ARMC8: variants seen among roughly 807,000 people sequenced by gnomAD.
The protein encoded by ARMC8 is armadillo repeat-containing protein 8.
ARMC8 carries 20 observed loss-of-function variants against 99.3 expected under a neutral mutation model. The ratio of observed to expected loss-of-function variants is 0.20; its 90% confidence interval spans 0.14 to 0.29. The LOEUF (loss-of-function observed/expected upper bound fraction) is 0.29. Ranked by LOEUF, ARMC8 falls within the 10% of genes least tolerant of loss-of-function variation. The probability of loss-of-function intolerance (pLI) is 1.00; values close to 1 mark genes in which losing one functional copy is unlikely to be tolerated. For missense variants in ARMC8, 569 were observed against 809.5 expected (o/e 0.70, Z 3.60); for synonymous variants, 263 against 278.3 (o/e 0.95, Z 0.55).
intron 15 of ARMC8, 63 bp from the exon 16 acceptor site, chr3:138,269,977 G>C: frequency 9.0e-7 from 1 of 1,107,192 alleles, no homozygotes; most frequent in Non-Finnish European, 1.4e-6. Context: ...CAAGGTATAT[G>C]CATGTTTAGT....
In ARMC8 at chr3:138,256,401, T is replaced by C. The variant is rs368859744; in HGVS notation, c.1135-7338T>C. Among the ~76,000 whole-genome samples, 710 of 146,178 alleles carry C rather than the reference T, an allele frequency of 4.9e-3. 10 individuals are homozygous for C. The highest frequency in any genetic ancestry group is 0.016 in the African/African-American group (631 of 39,060). On this transcript the variant is annotated intron_variant, in intron 12 of 21. Transcript: ENST00000469044. ...GTAAAGTATATCTTTTTTTCCTCCT[T>C]CTTTTTTTTTTTTTTTTTTTTTTTT...
At chr3:138,238,428 C>T (rs541570118) in intron 9 of ARMC8, 1 of 152,236 alleles carries the variant, frequency 6.6e-6, no homozygotes, top group African/African-American at 2.4e-5. Context: ...CTGTAATTAT[C>T]AATACATGAA....
At position 138,203,336 on chromosome 3, in the gene ARMC8, T is replaced by C. The variant is rs1469668929; in HGVS notation, c.46-6481T>C. On this transcript the variant is annotated intron_variant, in intron 1 of 21. Coordinates refer to ENST00000469044, the MANE Select transcript of ARMC8 (RefSeq NM_001363941.2). ...TGCTTAAATCATTTATTATCTCAGTTTCTGTAGGTTAGTAATACAAATGTG... is the reference window on the plus strand; with the variant it reads ...TGCTTAAATCATTTATTATCTCAGTCTCTGTAGGTTAGTAATACAAATGTG... 6.6e-5 allele frequency among the ~76,000 whole-genome samples: 10 copies of C among 152,350 alleles called. No individual in the cohort carries two copies. The East Asian group carries it at 1.9e-3, about 29-fold the overall frequency.
chr3:138,213,932 G>A (rs541262243), intron 2 of ARMC8, among the ~76,000 whole-genome samples: 28 of 152,216 alleles, frequency 1.8e-4, no homozygotes, highest in African/African-American at 6.5e-4. Flanking sequence ...AGACCAAGGC[G>A]GGCGGATCCC....
intron 5 of ARMC8, among the ~76,000 whole-genome samples, chr3:138,226,052 G>A (rs1032111833): frequency 6.6e-6 from 1 of 152,070 alleles, no homozygotes; most frequent in Non-Finnish European, 1.5e-5. Context: ...GAGTGCAGTG[G>A]CTTGATCTCG....
chr3:138,276,857 A>G (rs1452318237), intron 18 of ARMC8, among the ~76,000 whole-genome samples: 1 of 152,232 alleles, frequency 6.6e-6, no homozygotes, highest in East Asian at 1.9e-4. Context: ...CAATCACAGC[A>G]TGTTTGTTTA....
intron 1 of ARMC8, among the ~76,000 whole-genome samples, chr3:138,199,804 G>T (rs1319070793): frequency 1.3e-5 from 2 of 152,162 alleles, no homozygotes; most frequent in Non-Finnish European, 2.9e-5. Context: ...ATTGTCACTG[G>T]GCTTTAAAAT....
chr3:138,283,984 G>T (rs931917570), intron 18 of ARMC8, among the ~76,000 whole-genome samples: 19 of 152,196 alleles, frequency 1.2e-4, no homozygotes, highest in African/African-American at 3.6e-4. Flanking sequence ...AGCAGGTGGA[G>T]GCCTAGGAAA....
At chr3:138,259,474 A>T (rs986355387) in intron 12 of ARMC8, among the ~76,000 whole-genome samples, 2 of 152,276 alleles carry the variant, frequency 1.3e-5, no homozygotes, top group Non-Finnish European at 1.5e-5. Flanking sequence ...TTGGAATTCA[A>T]AGTTTACATT....
intron 12 of ARMC8, chr3:138,245,949 A>T: frequency 1.4e-5 from 14 of 985,424 alleles, no homozygotes; most frequent in Non-Finnish European, 1.6e-5. Flanking sequence ...GCAAAACCAC[A>T]TGTTCTGTCT....
intron 18 of ARMC8, among the ~76,000 whole-genome samples, chr3:138,276,958 CA>C (rs890608655): frequency 3.9e-5 from 6 of 151,938 alleles, no homozygotes; most frequent in African/African-American, 1.2e-4. Flanking sequence ...ACTAAAAAGC[CA>C]AAACAGTTTG....
chr3:138,242,123 A>G, intron 11 of ARMC8, 140 bp downstream of exon 11: 1 of 690,536 alleles, frequency 1.4e-6, no homozygotes, highest in Admixed American at 2.9e-5. Flanking sequence ...AACATAGATA[A>G]TATTGCTTTG....
rs146585935 is a variant in ARMC8 at position 138,219,426 on chromosome 3, T to A, written c.123-2500T>A. Among the ~76,000 whole-genome samples, 542 of 152,296 alleles carry A rather than the reference T, an allele frequency of 3.6e-3. 3 individuals are homozygous for A. Among genetic ancestry groups the A allele is most frequent in the African/African-American group, 0.012 (517 of 41,566 alleles). ...TGACCTGGGGGTTTCAGGGCATGCT[T>A]CCTGAGGAAGTGACATTCAGACCTG... is the stretch of plus-strand genomic sequence containing the variant. On this transcript the variant is annotated intron_variant, in intron 2 of 21. Coordinates refer to ENST00000469044, the MANE Select transcript of ARMC8 (RefSeq NM_001363941.2).
intron 18 of ARMC8, among the ~76,000 whole-genome samples, chr3:138,278,382 T>C (rs1306943098): frequency 6.6e-6 from 1 of 151,940 alleles, no homozygotes; most frequent in Non-Finnish European, 1.5e-5. Context: ...CACGCACCTG[T>C]AGTCCCAGCT....
At chr3:138,228,354 T>G (rs2045803599) in intron 5 of ARMC8, among the ~76,000 whole-genome samples, 1 of 152,190 alleles carries the variant, frequency 6.6e-6, no homozygotes, top group Non-Finnish European at 1.5e-5. Context: ...TTTTCTGTGC[T>G]TTTACATAGG....
At chr3:138,201,497 C>G (rs2044077085) in intron 1 of ARMC8, among the ~76,000 whole-genome samples, 1 of 98,612 alleles carries the variant, frequency 1.0e-5, no homozygotes, top group African/African-American at 3.9e-5. Flanking sequence ...GAGTCTTGCT[C>G]TGTCTCCAGG....
chr3:138,290,515 T>C, intron 20 of ARMC8, 31 bp from the exon 21 acceptor site: 2 of 1,518,158 alleles, frequency 1.3e-6, no homozygotes, highest in Non-Finnish European at 1.8e-6. Flanking sequence ...GCCTGGGTCA[T>C]GTTCCCAGTA....
chr3:138,187,515 C>G lies in ARMC8; in HGVS notation c.-40C>G, dbSNP rs767415231. ...AGTTGGCTGTCGAAAGTGCCGGCCCCCGCGCCGGCGCCTGCAGCAGCCGGG... is the reference window on the plus strand; with the variant it reads ...AGTTGGCTGTCGAAAGTGCCGGCCCGCGCGCCGGCGCCTGCAGCAGCCGGG... On this transcript the variant is annotated 5_prime_UTR_variant, in exon 1 of 22. Transcript: ENST00000469044. 4 of 1,534,994 alleles carry G rather than the reference C, an allele frequency of 2.6e-6. No homozygotes were observed. The highest frequency in any genetic ancestry group is 1.7e-6 in the Non-Finnish European group (2 of 1,146,066).
In ARMC8 at chr3:138,284,400, T is replaced by C. The variant is rs746105710; in HGVS notation, c.1726-31T>C. 3.2e-6 allele frequency: 5 copies of C among 1,561,208 alleles called. 1 individual carries two copies. The Admixed American group carries it at 8.4e-5, about 26-fold the overall frequency. On this transcript the variant is annotated intron_variant, in intron 18 of 21. Coordinates refer to ENST00000469044, the MANE Select transcript of ARMC8 (RefSeq NM_001363941.2). ...GCTTGACTCTGGGACTTCAGAGCTT[T>C]CCTGACTGTTGGCCCTTTGTTCTTT...
Sources: allele counts gnomAD v4.1 joint callset (sites outside exome capture counted in the v4.1 genomes callset), GRCh38; gene constraint gnomAD v4.1.1; transcripts MANE v1.5; gene names NCBI Gene and HGNC (gene_info 2026-07-23, HGNC 2026-07-21).